The following OR5H1 variants were observed in gnomAD, a reference collection of about 807,000 sequenced individuals.
OR5H1 encodes the protein olfactory receptor 5H1.
For synonymous variants in OR5H1, 124 were observed against 134.4 expected, an observed-to-expected ratio of 0.92 and a Z score of 0.54; for missense variants, 378 against 366.8, an observed-to-expected ratio of 1.03 and a Z score of -0.25.
chr3:98,130,985 G>A (rs1313075427), intron 1 of OR5H1, 135 bp downstream of exon 1: 1 of 151,972 alleles, frequency 6.6e-6, no homozygotes, highest in Admixed American at 6.6e-5. Context: ...ACTCTGACTG[G>A]ACTATTTTTA....
At position 98,138,106 on chromosome 3, in the gene OR5H1, C is replaced by T. The variant is rs748718736; in HGVS notation, c.*4467C>T. 4 of 151,820 alleles carry T rather than the reference C, an allele frequency of 2.6e-5. No individual in the cohort carries two copies. The East Asian group carries it at 7.8e-4, about 29-fold the overall frequency. 9.4% of individuals were successfully genotyped at this position (151,820 alleles called of 1,614,324 possible). ...ATCGATAGGCTAGCGTCTTAAAATCCGAGCTCGTCAGGTGCTCAACTTCTG... is the reference window on the plus strand; with the variant it reads ...ATCGATAGGCTAGCGTCTTAAAATCTGAGCTCGTCAGGTGCTCAACTTCTG... On this transcript the variant is annotated 3_prime_UTR_variant, in exon 2 of 2. Coordinates refer to ENST00000641874, the MANE Select transcript of OR5H1 (RefSeq NM_001005338.2).
intron 1 of OR5H1, 134 bp from the exon 2 acceptor site, chr3:98,132,546 T>G (rs1312530268): frequency 2.2e-6 from 2 of 928,496 alleles, no homozygotes; most frequent in East Asian, 5.1e-5. Context: ...AAATAGAGAT[T>G]CATCAGCTAT....
chr3:98,134,437 A>G lies in OR5H1; in HGVS notation c.*798A>G, dbSNP rs1708297181. On this transcript the variant is annotated 3_prime_UTR_variant, in exon 2 of 2. Transcript: ENST00000641874. Reference sequence around the variant, plus strand: ...ATCATAAAAGAAAGAAAGTGGTCTTAATGTTTTTATGATGAAGCTACCAAG... The same window carrying G: ...ATCATAAAAGAAAGAAAGTGGTCTTGATGTTTTTATGATGAAGCTACCAAG... The G allele has an allele frequency of 6.6e-6, 1 of 152,112 alleles. No individual in the cohort carries two copies. Among genetic ancestry groups the G allele is most frequent in the Non-Finnish European group, 1.5e-5 (1 of 67,986 alleles). The allele number at this position is 152,112 out of a possible 1,614,324, so 9.4% of individuals were successfully genotyped here. A position where few individuals can be genotyped will look rare whatever the true frequency, so the allele number is the denominator to read the frequency against.
Position 98,133,758 on chromosome 3 carries a change from T to A in OR5H1, c.*119T>A. 3 of 760,868 alleles carry A rather than the reference T, an allele frequency of 3.9e-6. No homozygotes were observed. The highest frequency in any genetic ancestry group is 6.5e-6 in the Non-Finnish European group (3 of 463,214). 47.1% of individuals were successfully genotyped at this position (760,868 alleles called of 1,614,324 possible). On this transcript the variant is annotated 3_prime_UTR_variant, in exon 2 of 2. Coordinates refer to ENST00000641874, the MANE Select transcript of OR5H1 (RefSeq NM_001005338.2). Reference sequence around the variant, plus strand: ...CTGTTCTAGCACTTTAGTGAGCTAATGTTTTAGTACCTAATAAACTAATCG... The same window carrying A: ...CTGTTCTAGCACTTTAGTGAGCTAAAGTTTTAGTACCTAATAAACTAATCG...
At chr3:98,131,507 T>C (rs1190199653) in intron 1 of OR5H1, among the ~76,000 whole-genome samples, 1 of 151,748 alleles carries the variant, frequency 6.6e-6, no homozygotes, top group Non-Finnish European at 1.5e-5. Context: ...TTTGGCAGTA[T>C]GTTACCTCTG....
chr3:98,138,185 G>A lies in OR5H1; in HGVS notation c.*4546G>A, dbSNP rs1201589133. 3 of 152,154 alleles carry A rather than the reference G, an allele frequency of 2.0e-5. No individual in the cohort carries two copies. Among genetic ancestry groups the A allele is most frequent in the Non-Finnish European group, 4.4e-5 (3 of 68,024 alleles). 9.4% of individuals were successfully genotyped at this position (152,154 alleles called of 1,614,324 possible). On this transcript the variant is annotated 3_prime_UTR_variant, in exon 2 of 2. Coordinates refer to ENST00000641874, the MANE Select transcript of OR5H1 (RefSeq NM_001005338.2). The stretch of plus-strand genomic sequence containing the variant: ...GGGTCCGCGTGAGAGGGTCGTGATC[G>A]ATTGAGCAAGCCAGGGGGTACGTGA...
In OR5H1 at chr3:98,137,094, A is replaced by C. The variant is rs1708330008; in HGVS notation, c.*3455A>C. ...TTCCAGTCACAGTAGTGGTAATATA[A>C]CCATAATTATGTTATATTGTAATAA... On this transcript the variant is annotated 3_prime_UTR_variant, in exon 2 of 2. Coordinates refer to ENST00000641874, the MANE Select transcript of OR5H1 (RefSeq NM_001005338.2). 1 of 152,192 alleles carries C rather than the reference A, an allele frequency of 6.6e-6. No homozygotes were observed. The highest frequency in any genetic ancestry group is 1.5e-5 in the Non-Finnish European group (1 of 68,038). 9.4% of individuals were successfully genotyped at this position (152,192 alleles called of 1,614,324 possible).
intron 1 of OR5H1, 148 bp from the exon 2 acceptor site, chr3:98,132,532 C>G: frequency 2.3e-6 from 2 of 864,784 alleles, no homozygotes; most frequent in Non-Finnish European, 3.5e-6. Flanking sequence ...GTCTTTATTG[C>G]AACAAATAGA....
Position 98,135,724 on chromosome 3 carries a change from C to T in OR5H1, c.*2085C>T, listed in dbSNP as rs530849087. ...CATAGTACCAAGGGACTGGGGTATGCTCCATAGCCAAAGTACGTATGAACA... is the reference window on the plus strand; with the variant it reads ...CATAGTACCAAGGGACTGGGGTATGTTCCATAGCCAAAGTACGTATGAACA... On this transcript the variant is annotated 3_prime_UTR_variant, in exon 2 of 2. Coordinates refer to ENST00000641874, the MANE Select transcript of OR5H1 (RefSeq NM_001005338.2). The T allele has an allele frequency of 1.3e-5, 2 of 152,100 alleles. No homozygotes were observed. The highest frequency in any genetic ancestry group is 3.9e-4 in the East Asian group (2 of 5,192). 9.4% of individuals were successfully genotyped at this position (152,100 alleles called of 1,614,324 possible).
rs534419625 is a variant in OR5H1 at position 98,133,424 on chromosome 3, G to C, written c.727G>C (p.Ala243Pro). The part of the protein sequence containing the change: ...GVRKAFSTCG[A>P]HLFSVSLYYG... Reference sequence around the variant, plus strand: ...AAGGAAAGCCTTTTCCACCTGTGGAGCCCATCTCTTCTCTGTCTCTTTATA... The same window carrying C: ...AAGGAAAGCCTTTTCCACCTGTGGACCCCATCTCTTCTCTGTCTCTTTATA... Residue 243 changes from alanine (A) to proline (P), a missense_variant, in exon 2 of 2, where the codon GCC becomes CCC. Ala to Pro is a conservative substitution (Grantham distance 27). Transcript: ENST00000641874. The C allele has an allele frequency of 1.9e-6, 3 of 1,613,504 alleles. No individual in the cohort carries two copies. In the East Asian group the frequency reaches 6.7e-5, roughly 36 times the overall value.
Position 98,137,876 on chromosome 3 carries a change from A to G in OR5H1, c.*4237A>G, listed in dbSNP as rs1708337612. On this transcript the variant is annotated 3_prime_UTR_variant, in exon 2 of 2. Coordinates refer to ENST00000641874, the MANE Select transcript of OR5H1 (RefSeq NM_001005338.2). ...TCATTTATAAACGTATATTGTACTT[A>G]CATCTATTTAATTCACTTATTCTGA... 1 of 152,212 alleles carries G rather than the reference A, an allele frequency of 6.6e-6. No individual in the cohort carries two copies. The highest frequency in any genetic ancestry group is 2.4e-5 in the African/African-American group (1 of 41,460). The allele number at this position is 152,212 out of a possible 1,614,324, so 9.4% of individuals were successfully genotyped here. A position where few individuals can be genotyped will look rare whatever the true frequency, so the allele number is the denominator to read the frequency against.
rs751264873 is a variant in OR5H1 at position 98,133,525 on chromosome 3, A to T, written c.828A>T (p.Leu276=). 10 of 1,613,372 alleles carry T rather than the reference A, an allele frequency of 6.2e-6. No homozygotes were observed. The Middle Eastern group carries it at 1.2e-3, about 186-fold the overall frequency. Residue 276 remains leucine (L), a synonymous_variant, in exon 2 of 2, where the codon CTA becomes CTT. Transcript: ENST00000641874. ...ATGATCAAGATATGGTGGAGCCTCT[A>T]TTCTACACTGTCATCATTCCTTTGT... ...QADDQDMVEP[L]FYTVIIPLLN...
In OR5H1 at chr3:98,132,797, A is replaced by C; in HGVS notation, c.100A>C (p.Ile34Leu). 6.2e-7 allele frequency: 1 copy of C among 1,613,524 alleles called. No individual in the cohort carries two copies. Among genetic ancestry groups the C allele is most frequent in the Non-Finnish European group, 8.5e-7 (1 of 1,179,586 alleles). ...ACCCCTGTTCCTGGCATTCTTGGTA[A>C]TATATCTCATCACCATCATGGGGAA... is the stretch of plus-strand genomic sequence containing the variant. ...KIPLFLAFLVIYLITIMGNLG... is the reference protein window; with the variant it reads ...KIPLFLAFLVLYLITIMGNLG... Residue 34 changes from isoleucine to leucine, a missense_variant, in exon 2 of 2, where the codon ATA (isoleucine) becomes CTA (leucine). Physicochemically the swap from Ile to Leu is conservative, Grantham distance 5. Transcript: ENST00000641874.
At chr3:98,131,586 C>T (rs948806316) in intron 1 of OR5H1, among the ~76,000 whole-genome samples, 1 of 151,978 alleles carries the variant, frequency 6.6e-6, no homozygotes, top group African/African-American at 2.4e-5. Context: ...ATATGTCCAC[C>T]TTGTTACCTC....
rs775486573 is a variant in OR5H1 at position 98,133,686 on chromosome 3, G to A, written c.*47G>A. On this transcript the variant is annotated 3_prime_UTR_variant, in exon 2 of 2. Transcript: ENST00000641874. Reference sequence around the variant, plus strand: ...AATAGTCACAAAATTATGCAAGTTAGAGGTACCTATGTTGTTTCCAGTGTT... The same window carrying A: ...AATAGTCACAAAATTATGCAAGTTAAAGGTACCTATGTTGTTTCCAGTGTT... 2 of 1,466,930 alleles carry A rather than the reference G, an allele frequency of 1.4e-6. 1 individual carries two copies. The highest frequency in any genetic ancestry group is 2.4e-5 in the South Asian group (2 of 84,664). The allele number at this position is 1,466,930 out of a possible 1,614,324, so 90.9% of individuals were successfully genotyped here. A position where few individuals can be genotyped will look rare whatever the true frequency, so the allele number is the denominator to read the frequency against.
chr3:98,138,469 C>T lies in OR5H1; in HGVS notation c.*4830C>T, dbSNP rs1238188733. 2.0e-5 allele frequency: 3 copies of T among 152,160 alleles called. No homozygotes were observed. The highest frequency in any genetic ancestry group is 7.2e-5 in the African/African-American group (3 of 41,444). 9.4% of individuals were successfully genotyped at this position (152,160 alleles called of 1,614,324 possible). A position where few individuals can be genotyped will look rare whatever the true frequency, so the allele number is the denominator to read the frequency against. On this transcript the variant is annotated 3_prime_UTR_variant, in exon 2 of 2. Coordinates refer to ENST00000641874, the MANE Select transcript of OR5H1 (RefSeq NM_001005338.2). ...AATATAAAACAATATGAGAGGGTCT[C>T]TCTCTTCCCTCATCAGTCAGTCATC...
Position 98,132,682 on chromosome 3 carries a change from G to A in OR5H1, c.-16G>A. 2 of 1,612,216 alleles carry A rather than the reference G, an allele frequency of 1.2e-6. No homozygotes were observed. The highest frequency in any genetic ancestry group is 8.5e-7 in the Non-Finnish European group (1 of 1,178,840). ...TCATTTGTTGCATTTTATTTTAGAGGGCATGCTGTGAGGACATGGAAGAGG... is the reference window on the plus strand; with the variant it reads ...TCATTTGTTGCATTTTATTTTAGAGAGCATGCTGTGAGGACATGGAAGAGG... On this transcript the variant is annotated splice_region_variant and 5_prime_UTR_variant, in exon 2 of 2. Transcript: ENST00000641874.
In OR5H1 at chr3:98,136,995, T is replaced by A. The variant is rs1182276287; in HGVS notation, c.*3356T>A. ...TGGAATGAGGCAGGGCTTAATTGGATGCATAAAGTCAATTCTTAGTTTCTT... is the reference window on the plus strand; with the variant it reads ...TGGAATGAGGCAGGGCTTAATTGGAAGCATAAAGTCAATTCTTAGTTTCTT... On this transcript the variant is annotated 3_prime_UTR_variant, in exon 2 of 2. Transcript: ENST00000641874. 1 of 152,232 alleles carries A rather than the reference T, an allele frequency of 6.6e-6. No homozygotes were observed. Among genetic ancestry groups the A allele is most frequent in the African/African-American group, 2.4e-5 (1 of 41,466 alleles). The allele number at this position is 152,232 out of a possible 1,614,324, so 9.4% of individuals were successfully genotyped here.
chr3:98,133,013 A>G lies in OR5H1; in HGVS notation c.316A>G (p.Ile106Val), dbSNP rs936352467. Residue 106 changes from isoleucine (I) to valine (V), a missense_variant, in exon 2 of 2, where the codon ATC becomes GTC. Physicochemically the swap from Ile to Val is conservative, Grantham distance 29. Coordinates refer to ENST00000641874, the MANE Select transcript of OR5H1 (RefSeq NM_001005338.2). ...ECKIQFFSFA[I>V]SVTTECFLLA... is the part of the protein sequence containing the mutation. ...CAAGATACAGTTTTTTTCGTTTGCA[A>G]TCAGTGTAACCACGGAATGTTTTCT... 3.0e-5 allele frequency: 49 copies of G among 1,613,522 alleles called. No homozygotes were observed. Among genetic ancestry groups the G allele is most frequent in the African/African-American group, 1.6e-4 (12 of 74,948 alleles).
Sources: gnomAD v4.1 joint callset for allele counts (sites outside exome capture counted in the v4.1 genomes callset) on GRCh38, gnomAD v4.1.1 for gene constraint, MANE v1.5 for transcripts, NCBI Gene and HGNC (gene_info 2026-07-23, HGNC 2026-07-21) for gene names.